The following MYO16 variants were observed in gnomAD, a reference collection of about 807,000 sequenced individuals.
MYO16 encodes myosin XVI.
In MYO16, 94 loss-of-function variants were observed where a neutral mutation model predicts 205.3. That is an observed-to-expected ratio of 0.46 (90% confidence interval 0.39 to 0.54). MYO16 has a LOEUF of 0.54. MYO16 is among the 20% of genes least tolerant of loss of function. The pLI is 0.00. For synonymous variants in MYO16, 988 were observed against 954.0 expected, an observed-to-expected ratio of 1.04 and a Z score of -0.66; for missense variants, 2,315 against 2,387.5, an observed-to-expected ratio of 0.97 and a Z score of 0.63.
At chr13:108,755,267 T>G (rs1885385082) in intron 4 of MYO16, among the ~76,000 whole-genome samples, 2 of 152,146 alleles carry the variant, frequency 1.3e-5, no homozygotes, top group South Asian at 4.2e-4. Context: ...GAAATGAGTT[T>G]ACAAGCTGAG....
chr13:109,116,133 A>G (rs72656263), intron 28 of MYO16, among the ~76,000 whole-genome samples: 10,880 of 152,238 alleles, frequency 0.071, 857 homozygotes, highest in East Asian at 0.43. Context: ...TAGTTGATTG[A>G]AGAATTTTTT....
At chr13:109,109,603 C>G (rs1439245496) in intron 28 of MYO16, among the ~76,000 whole-genome samples, 1 of 150,194 alleles carries the variant, frequency 6.7e-6, no homozygotes, top group East Asian at 1.9e-4. Context: ...GAGAGGACCT[C>G]ACCGTGGCAA....
chr13:108,874,244 T>C (rs565082969), intron 12 of MYO16, among the ~76,000 whole-genome samples: 48 of 152,002 alleles, frequency 3.2e-4, no homozygotes, highest in Non-Finnish European at 5.7e-4. Flanking sequence ...AGAAATGTGA[T>C]CGGGGCAAAT....
chr13:108,745,125 G>C (rs1252189536), intron 4 of MYO16, among the ~76,000 whole-genome samples: 2 of 152,114 alleles, frequency 1.3e-5, no homozygotes, highest in Non-Finnish European at 2.9e-5. Context: ...ATGTTTCTTG[G>C]ACCTATCAGA....
intron 24 of MYO16, among the ~76,000 whole-genome samples, chr13:109,049,433 T>G (rs574203101): frequency 6.6e-6 from 1 of 152,326 alleles, no homozygotes; most frequent in African/African-American, 2.4e-5. Flanking sequence ...GGCATCTCCC[T>G]GTGCCCATAG....
chr13:109,042,772 G>A (rs1024214830), intron 23 of MYO16, among the ~76,000 whole-genome samples: 3 of 152,188 alleles, frequency 2.0e-5, no homozygotes, highest in Non-Finnish European at 4.4e-5. Flanking sequence ...CTCAAAGAAT[G>A]TAAAGAGCTT....
chr13:108,624,959 T>C (rs1479138340), upstream of MYO16, among the ~76,000 whole-genome samples: 1 of 152,200 alleles, frequency 6.6e-6, no homozygotes, highest in Non-Finnish European at 1.5e-5. Context: ...ATCAGTACTC[T>C]ATGAAAGTAT....
At chr13:108,884,741 C>A (rs1879779427) in intron 13 of MYO16, among the ~76,000 whole-genome samples, 1 of 151,534 alleles carries the variant, frequency 6.6e-6, no homozygotes, top group South Asian at 2.1e-4. Context: ...GGCTCTCACC[C>A]ATTCTAGACA....
chr13:108,887,857 C>T (rs1176439207), intron 13 of MYO16, among the ~76,000 whole-genome samples: 1 of 152,002 alleles, frequency 6.6e-6, no homozygotes, highest in Non-Finnish European at 1.5e-5. Flanking sequence ...AGCTTTTCCA[C>T]AGAAGAGGTA....
chr13:108,641,345 A>C (rs964650977), intron 1 of MYO16, among the ~76,000 whole-genome samples: 1 of 152,188 alleles, frequency 6.6e-6, no homozygotes, highest in Non-Finnish European at 1.5e-5. Flanking sequence ...AAGATGAAAG[A>C]GACTTGAGTT....
At chr13:108,503,176 A>G in the MYO16 span, among the ~76,000 whole-genome samples, 1 of 152,214 alleles carries the variant, frequency 6.6e-6, no homozygotes, top group Non-Finnish European at 1.5e-5. Flanking sequence ...ACAATATAGT[A>G]TAATATGGTC....
chr13:109,113,954 G>A (rs927270334), intron 28 of MYO16, among the ~76,000 whole-genome samples: 2 of 152,136 alleles, frequency 1.3e-5, no homozygotes, highest in African/African-American at 4.8e-5. Flanking sequence ...GTATGGACTC[G>A]GGGATAAGAT....
At chr13:109,182,040 A>G (rs1879478386) in intron 34 of MYO16, among the ~76,000 whole-genome samples, 1 of 152,016 alleles carries the variant, frequency 6.6e-6, no homozygotes, top group East Asian at 1.9e-4. Context: ...GCTGGTCTCA[A>G]ACTCCTGACC....
chr13:108,702,677 A>G (rs1382500289), intron 2 of MYO16, among the ~76,000 whole-genome samples: 2 of 152,178 alleles, frequency 1.3e-5, no homozygotes, highest in Non-Finnish European at 2.9e-5. Context: ...CTAATTTTTA[A>G]TTATATTTAA....
At chr13:108,800,950 G>A (rs999606152) in intron 6 of MYO16, among the ~76,000 whole-genome samples, 7 of 151,970 alleles carry the variant, frequency 4.6e-5, no homozygotes, top group Admixed American at 1.3e-4. Flanking sequence ...CTCTGGCAAA[G>A]ACCCTTACAA....
At chr13:108,612,008 C>T (rs1194668682) in intron 1 of MYO16, among the ~76,000 whole-genome samples, 1 of 133,206 alleles carries the variant, frequency 7.5e-6, no homozygotes, top group African/African-American at 2.9e-5. Context: ...CGGAGTCTCG[C>T]TCTGTCGCCC....
Position 108,960,930 on chromosome 13 carries a change from T to C in MYO16, c.2038-609T>C, listed in dbSNP as rs1277523185. ...CAAAGATAGCTCTTGCCAACATCCA[T>C]TTTTTTCTGTTTTCCTTAAAATACC... is the stretch of plus-strand genomic sequence containing the variant. On this transcript the variant is annotated intron_variant, in intron 17 of 34. Coordinates refer to ENST00000457511, the MANE Select transcript of MYO16 (RefSeq NM_001198950.3). Among the ~76,000 whole-genome samples the C allele has an allele frequency of 1.3e-5, 2 of 152,304 alleles. 1 individual carries two copies. The highest frequency in any genetic ancestry group is 3.9e-4 in the East Asian group (2 of 5,184).
At chr13:109,051,308 G>C (rs1025198928) in intron 24 of MYO16, among the ~76,000 whole-genome samples, 1 of 151,972 alleles carries the variant, frequency 6.6e-6, no homozygotes, top group Non-Finnish European at 1.5e-5. Flanking sequence ...TATGTCACCC[G>C]CATTTTGCAC....
intron 32 of MYO16, among the ~76,000 whole-genome samples, chr13:109,151,543 AC>A (rs1212992490): frequency 2.0e-5 from 3 of 152,204 alleles, no homozygotes; most frequent in Non-Finnish European, 2.9e-5. Context: ...TTTGTGCATT[AC>A]CTGAAGTCCT....
Sources: gnomAD v4.1 joint callset for allele counts (sites outside exome capture counted in the v4.1 genomes callset) on GRCh38, gnomAD v4.1.1 for gene constraint, MANE v1.5 for transcripts, NCBI Gene and HGNC (gene_info 2026-07-23, HGNC 2026-07-21) for gene names.